Variants in PHF24 observed in about 807,000 individuals in gnomAD.
PHF24 encodes the protein PHD finger protein 24, also known as Galpha inhibitory interacting protein.
Under a neutral mutation model 42.6 loss-of-function variants are expected in PHF24, and 25 were observed. The ratio of observed to expected loss-of-function variants is 0.59; its 90% CI spans 0.43 to 0.82. PHF24 has a LOEUF of 0.82. Ranked by LOEUF, PHF24 falls within the 40% of genes least tolerant of loss-of-function variation. The pLI is 0.00. For missense variants in PHF24, 470 were observed against 538.1 expected (o/e 0.87, Z 1.25); for synonymous variants, 185 against 204.8 (o/e 0.90, Z 0.83).
the PHF24 span, among the ~76,000 whole-genome samples, chr9:34,912,653 G>T: frequency 6.6e-6 from 1 of 152,176 alleles, no homozygotes; most frequent in Non-Finnish European, 1.5e-5. Context: ...GAAAACTGAA[G>T]TCTTTGGAAC....
At chr9:34,701,463 G>C in the PHF24 span, among the ~76,000 whole-genome samples, 2 of 152,194 alleles carry the variant, frequency 1.3e-5, no homozygotes, top group Non-Finnish European at 2.9e-5. The surrounding 1 kb of genome is among the most constrained non-coding windows in gnomAD (Gnocchi z 5.8). Context: ...GGCGCCCCGA[G>C]CCTGGGAAGG....
At chr9:34,921,356 CAA>C in the PHF24 span, among the ~76,000 whole-genome samples, 2 of 141,638 alleles carry the variant, frequency 1.4e-5, no homozygotes, top group Admixed American at 7.0e-5. Flanking sequence ...AGGCAAGTAT[CAA>C]AAAAAAAAAT....
chr9:34,771,328 T>C, the PHF24 span, among the ~76,000 whole-genome samples: 1 of 152,226 alleles, frequency 6.6e-6, no homozygotes, highest in Non-Finnish European at 1.5e-5. Context: ...ATACAGCATG[T>C]TACTGTACTG....
the PHF24 span, among the ~76,000 whole-genome samples, chr9:34,943,589 T>C: frequency 1.3e-5 from 2 of 152,152 alleles, no homozygotes; most frequent in African/African-American, 4.8e-5. Flanking sequence ...TGTCTAGGTA[T>C]TTTCCCTTCC....
chr9:34,845,595 T>C, the PHF24 span, among the ~76,000 whole-genome samples: 1 of 152,110 alleles, frequency 6.6e-6, no homozygotes, highest in South Asian at 2.1e-4. Flanking sequence ...TTTTAAATTT[T>C]ATTTTATTTT....
the PHF24 span, among the ~76,000 whole-genome samples, chr9:34,907,359 C>T: frequency 6.6e-6 from 1 of 152,190 alleles, no homozygotes. Flanking sequence ...TTCTGTACCA[C>T]ACTGGGTTAT....
At chr9:34,848,758 A>G in the PHF24 span, among the ~76,000 whole-genome samples, 2 of 151,230 alleles carry the variant, frequency 1.3e-5, no homozygotes, top group Non-Finnish European at 3.0e-5. Flanking sequence ...ATTTCCCTCT[A>G]CACACTGCTT....
At chr9:34,849,466 C>A in the PHF24 span, among the ~76,000 whole-genome samples, 1 of 151,814 alleles carries the variant, frequency 6.6e-6, no homozygotes, top group South Asian at 2.1e-4. Context: ...AGATCTTCCT[C>A]CATCCTTTTA....
At chr9:34,947,896 C>T in the PHF24 span, among the ~76,000 whole-genome samples, 1 of 152,076 alleles carries the variant, frequency 6.6e-6, no homozygotes, top group South Asian at 2.1e-4. Flanking sequence ...ATCACGAGGT[C>T]AGGAGATTGA....
the PHF24 span, among the ~76,000 whole-genome samples, chr9:34,814,731 G>A: frequency 6.6e-6 from 1 of 152,246 alleles, no homozygotes; most frequent in African/African-American, 2.4e-5. Flanking sequence ...AAATAAAATC[G>A]CAGATCCTGT....
At chr9:34,748,691 C>A in the PHF24 span, among the ~76,000 whole-genome samples, 1 of 152,148 alleles carries the variant, frequency 6.6e-6, no homozygotes, top group African/African-American at 2.4e-5. Flanking sequence ...TCACAACACC[C>A]AAATCCCTTT....
chr9:34,942,120 A>G, the PHF24 span, among the ~76,000 whole-genome samples: 5 of 152,056 alleles, frequency 3.3e-5, no homozygotes, highest in Non-Finnish European at 7.4e-5. Context: ...ATCTTTTCCT[A>G]CCACTGACAT....
chr9:34,838,255 GA>G, the PHF24 span: 3 of 644,738 alleles, frequency 4.7e-6, no homozygotes, highest in Admixed American at 2.5e-5. Flanking sequence ...AATTGGGGGA[GA>G]GGGGAAGTGG....
At chr9:34,918,249 T>C in the PHF24 span, 1 of 1,488,160 alleles carries the variant, frequency 6.7e-7, no homozygotes, top group East Asian at 2.3e-5. Context: ...CATCCGCACG[T>C]GTCTTCTCAA....
chr9:34,724,743 C>A, the PHF24 span: 1 of 1,551,770 alleles, frequency 6.4e-7, no homozygotes, highest in South Asian at 1.2e-5. Context: ...ATACACTGTT[C>A]TTCAAATGAA....
chr9:34,672,058 A>C, the PHF24 span, among the ~76,000 whole-genome samples: 13 of 152,198 alleles, frequency 8.5e-5, no homozygotes, highest in Non-Finnish European at 1.6e-4. Context: ...CACCATGCAA[A>C]ATGCTTTAAA....
the PHF24 span, among the ~76,000 whole-genome samples, chr9:34,809,687 T>C: frequency 6.6e-6 from 1 of 152,190 alleles, no homozygotes; most frequent in Non-Finnish European, 1.5e-5. This position sits in a 1 kb window ranked among gnomAD's most constrained non-coding sequence, Gnocchi z 4.1. Flanking sequence ...TTCTCACCCT[T>C]ACGGGCAGGA....
the PHF24 span, among the ~76,000 whole-genome samples, chr9:34,952,067 G>A: frequency 6.6e-6 from 1 of 152,176 alleles, no homozygotes; most frequent in South Asian, 2.1e-4. Context: ...GAAATAAAAA[G>A]CATAGAGATT....
the PHF24 span, among the ~76,000 whole-genome samples, chr9:34,928,023 C>T: frequency 6.6e-6 from 1 of 152,000 alleles, no homozygotes; most frequent in Non-Finnish European, 1.5e-5. Context: ...TTGGACCTGC[C>T]TGGCCAACAT....
Sources: gnomAD v4.1 joint callset for allele counts (sites outside exome capture counted in the v4.1 genomes callset) on GRCh38, gnomAD v4.1.1 for gene constraint, Gnocchi (gnomAD v3.1) non-coding constraint, MANE v1.5 for transcripts, NCBI Gene and HGNC (gene_info 2026-07-23, HGNC 2026-07-21) for gene names.